Variants in BRINP3 observed in about 807,000 individuals in gnomAD.
BRINP3 encodes the protein BMP/retinoic acid inducible neural specific 3.
Under a neutral mutation model 71.0 loss-of-function variants are expected in BRINP3, and 19 were observed. The ratio of observed to expected loss-of-function variants is 0.27; its 90% CI spans 0.19 to 0.39. BRINP3 has a LOEUF of 0.39. Among genes scored for constraint, BRINP3 ranks in the 10% least tolerant of loss-of-function variants. The pLI, the probability that BRINP3 is intolerant of heterozygous loss-of-function variation, is 1.00. For missense variants in BRINP3, 959 were observed against 940.8 expected, an observed-to-expected ratio of 1.02 and a Z score of -0.25; for synonymous variants, 380 against 337.7, an observed-to-expected ratio of 1.13 and a Z score of -1.37.
chr1:190,181,803 T>A (rs980699248), intron 6 of BRINP3, among the ~76,000 whole-genome samples: 1 of 152,014 alleles, frequency 6.6e-6, no homozygotes, highest in African/African-American at 2.4e-5. Flanking sequence ...AAGATGAAAA[T>A]GAAAGTTGAT....
intron 2 of BRINP3, among the ~76,000 whole-genome samples, chr1:190,437,826 T>A (rs1241421579): frequency 6.6e-6 from 1 of 151,890 alleles, no homozygotes; most frequent in Non-Finnish European, 1.5e-5. Context: ...TTTACTTTTA[T>A]GTTAAGAGAC....
At chr1:190,440,685 G>A (rs1383840100) in intron 2 of BRINP3, among the ~76,000 whole-genome samples, 1 of 152,046 alleles carries the variant, frequency 6.6e-6, no homozygotes, top group Admixed American at 6.5e-5. Context: ...GTTCTATAAC[G>A]TCAACTTATC....
intron 2 of BRINP3, among the ~76,000 whole-genome samples, chr1:190,291,658 A>G (rs1338834857): frequency 6.6e-6 from 1 of 152,080 alleles, no homozygotes; most frequent in Non-Finnish European, 1.5e-5. Context: ...AAGTTAACAA[A>G]CTTTGGCAAG....
chr1:190,453,983 T>G (rs1391093763), intron 2 of BRINP3, among the ~76,000 whole-genome samples: 1 of 152,226 alleles, frequency 6.6e-6, no homozygotes, highest in Non-Finnish European at 1.5e-5. Flanking sequence ...ACTTGTACAC[T>G]CTTCTACTTA....
intron 4 of BRINP3, among the ~76,000 whole-genome samples, chr1:190,258,107 C>T (rs570974434): frequency 2.0e-5 from 3 of 152,224 alleles, no homozygotes; most frequent in Non-Finnish European, 4.4e-5. Context: ...TCTACAGAGG[C>T]AGTAGGCCAT....
chr1:190,291,415 C>CA (rs772211516), intron 2 of BRINP3, among the ~76,000 whole-genome samples: 11 of 151,432 alleles, frequency 7.3e-5, no homozygotes, highest in Admixed American at 3.3e-4. Flanking sequence ...GGTTCATATC[C>CA]AAAATATATA....
chr1:190,448,241 A>G (rs948871824), intron 2 of BRINP3, among the ~76,000 whole-genome samples: 3 of 151,586 alleles, frequency 2.0e-5, no homozygotes, highest in Non-Finnish European at 4.4e-5. Flanking sequence ...TTAAATTTGC[A>G]TTCTTAAGAT....
chr1:190,251,731 A>G (rs1163165177), intron 4 of BRINP3, among the ~76,000 whole-genome samples: 1 of 151,974 alleles, frequency 6.6e-6, no homozygotes, highest in African/African-American at 2.4e-5. Context: ...ACAATATGGG[A>G]GGAGTAGAAT....
intron 2 of BRINP3, among the ~76,000 whole-genome samples, chr1:190,292,709 A>T (rs965940896): frequency 8.5e-5 from 13 of 152,062 alleles, no homozygotes; most frequent in Non-Finnish European, 2.9e-5. Flanking sequence ...AAATTTTGGT[A>T]CTTCTTTAAT....
Position 190,405,450 on chromosome 1 carries a change from C to CAAAAAAAAAAAA in BRINP3, c.236+49193_236+49204dup, listed in dbSNP as rs1334402738. On this transcript the variant is annotated intron_variant, in intron 2 of 7. Transcript: ENST00000367462. ...TGGGCGACAGAGCGAGACTCCGTCT[C>CAAAAAAAAAAAA]AAAAAAAAAAAAAAAAAAAAAAAAA... Among the ~76,000 whole-genome samples, 4 of 39,146 alleles carry CAAAAAAAAAAAA rather than the reference C, an allele frequency of 1.0e-4. 1 individual carries two copies. The highest frequency in any genetic ancestry group is 2.8e-4 in the African/African-American group (2 of 7,262). 25.7% of individuals were successfully genotyped at this position (39,146 alleles called of 152,430 possible).
intron 3 of BRINP3, among the ~76,000 whole-genome samples, chr1:190,270,019 G>A (rs1661971023): frequency 6.6e-6 from 1 of 151,970 alleles, no homozygotes; most frequent in South Asian, 2.1e-4. Flanking sequence ...GTAGAACACT[G>A]TGCAGCCAGA....
chr1:190,203,739 T>A (rs1189930013), intron 6 of BRINP3, among the ~76,000 whole-genome samples: 1 of 116,654 alleles, frequency 8.6e-6, no homozygotes, highest in Non-Finnish European at 1.8e-5. Context: ...AAGCAAGATA[T>A]CACTAAAGAA....
chr1:190,331,697 G>A (rs1459598472), intron 2 of BRINP3, among the ~76,000 whole-genome samples: 1 of 151,998 alleles, frequency 6.6e-6, no homozygotes, highest in Non-Finnish European at 1.5e-5. Flanking sequence ...ATACATCAGA[G>A]CAAACATAAA....
At chr1:190,378,076 G>T (rs1227450045) in intron 2 of BRINP3, among the ~76,000 whole-genome samples, 1 of 152,028 alleles carries the variant, frequency 6.6e-6, no homozygotes, top group Non-Finnish European at 1.5e-5. Flanking sequence ...AATCTTAAAA[G>T]AAGGAAACAA....
At chr1:190,111,669 T>C (rs1652709177) in intron 7 of BRINP3, among the ~76,000 whole-genome samples, 2 of 152,306 alleles carry the variant, frequency 1.3e-5, no homozygotes, top group South Asian at 4.1e-4. Flanking sequence ...TCTACTACTT[T>C]CTGCTACTCA....
At chr1:190,471,479 A>G (rs1278703192) in intron 1 of BRINP3, among the ~76,000 whole-genome samples, 3 of 151,360 alleles carry the variant, frequency 2.0e-5, no homozygotes, top group Non-Finnish European at 4.5e-5. Context: ...GTTATACAGA[A>G]CACATAGTAG....
intron 6 of BRINP3, among the ~76,000 whole-genome samples, chr1:190,169,832 T>G (rs993558866): frequency 4.6e-5 from 7 of 152,324 alleles, no homozygotes; most frequent in Admixed American, 2.0e-4. Context: ...TTTTATAATT[T>G]ATTTAGTGTT....
chr1:190,119,498 AGTCT>A (rs1653450962), intron 7 of BRINP3, among the ~76,000 whole-genome samples: 1 of 152,042 alleles, frequency 6.6e-6, no homozygotes, highest in African/African-American at 2.4e-5. Context: ...GGGTCTTGAA[AGTCT>A]GACCTTGTGA....
intron 2 of BRINP3, among the ~76,000 whole-genome samples, chr1:190,347,458 A>G (rs1668098385): frequency 6.6e-6 from 1 of 152,132 alleles, no homozygotes; most frequent in Admixed American, 6.6e-5. Context: ...AATTCTTAAT[A>G]TTCACAAACA....
Sources: gnomAD v4.1 joint callset for allele counts (sites outside exome capture counted in the v4.1 genomes callset) on GRCh38, gnomAD v4.1.1 for gene constraint, MANE v1.5 for transcripts, NCBI Gene and HGNC (gene_info 2026-07-23, HGNC 2026-07-21) for gene names.